Variants in LMBR1 observed in about 807,000 individuals in gnomAD.
LMBR1 encodes limb region 1 protein homolog.
A neutral mutation model predicts 73.9 loss-of-function variants in LMBR1; 52 were observed. The observed-to-expected ratio is 0.70, with a 90% confidence interval of 0.56 to 0.89. LMBR1 has a LOEUF of 0.89. LMBR1 is among the 40% of genes least tolerant of loss of function. The pLI is 0.00. For synonymous variants in LMBR1, 215 were observed against 209.4 expected (o/e 1.03, Z -0.23); for missense variants, 539 against 579.8 (o/e 0.93, Z 0.72).
At chr7:156,782,656 C>A (rs1443471111) in intron 5 of LMBR1, among the ~76,000 whole-genome samples, 1 of 152,068 alleles carries the variant, frequency 6.6e-6, no homozygotes. Flanking sequence ...GCGATTCTCC[C>A]GCCTCAGCTA....
At chr7:156,787,779 T>C (rs1828412940) in intron 5 of LMBR1, among the ~76,000 whole-genome samples, 1 of 152,200 alleles carries the variant, frequency 6.6e-6, no homozygotes, top group Non-Finnish European at 1.5e-5. Flanking sequence ...TGGATCTTTT[T>C]TTCTTTTATT....
At chr7:156,885,186 C>A (rs943556771) in intron 1 of LMBR1, among the ~76,000 whole-genome samples, 1 of 151,912 alleles carries the variant, frequency 6.6e-6, no homozygotes, top group African/African-American at 2.4e-5. Context: ...AACCCCATCT[C>A]TACTAAAAAT....
chr7:156,742,891 A>G (rs1369152507), intron 9 of LMBR1, among the ~76,000 whole-genome samples: 3 of 152,226 alleles, frequency 2.0e-5, no homozygotes, highest in Non-Finnish European at 4.4e-5. Flanking sequence ...CACATTAAAA[A>G]GATCATTCAT....
At chr7:156,701,254 C>CAAAA (rs145584672) in intron 15 of LMBR1, among the ~76,000 whole-genome samples, 4,948 of 152,258 alleles carry the variant, frequency 0.032, 266 homozygotes, top group African/African-American at 0.11. Flanking sequence ...TATGACTGTT[C>CAAAA]AAGCTGCATT....
intron 10 of LMBR1, among the ~76,000 whole-genome samples, chr7:156,731,413 A>G (rs905479663): frequency 7.2e-5 from 11 of 152,228 alleles, no homozygotes; most frequent in African/African-American, 2.2e-4. Flanking sequence ...AGTATCATGA[A>G]GTGACACATA....
chr7:156,735,453 G>A (rs1277956639), intron 9 of LMBR1, among the ~76,000 whole-genome samples: 3 of 150,196 alleles, frequency 2.0e-5, no homozygotes, highest in African/African-American at 4.9e-5. Context: ...GTGGATCTTC[G>A]TATTCTTTAT....
chr7:156,886,032 T>C (rs1169153816), intron 1 of LMBR1, among the ~76,000 whole-genome samples: 1 of 141,724 alleles, frequency 7.1e-6, no homozygotes, highest in East Asian at 2.1e-4. Context: ...AGAGTGAGAC[T>C]CTGCCTCAAA....
chr7:156,675,934 T>G, downstream of LMBR1: 2 of 1,478,648 alleles, frequency 1.4e-6, no homozygotes, highest in Non-Finnish European at 1.9e-6. Context: ...GAGTGGCATG[T>G]GGGGGGAGGT....
At chr7:156,891,383 G>A (rs1802959072) in intron 1 of LMBR1, among the ~76,000 whole-genome samples, 1 of 150,850 alleles carries the variant, frequency 6.6e-6, no homozygotes, top group Admixed American at 6.6e-5. Context: ...CTACTGCACC[G>A]AGAATGAATT....
chr7:156,850,839 T>C (rs1489394216), intron 1 of LMBR1, among the ~76,000 whole-genome samples: 2 of 152,204 alleles, frequency 1.3e-5, no homozygotes, highest in Non-Finnish European at 2.9e-5. Flanking sequence ...TGTTGAAGCG[T>C]GATCCCCACT....
At chr7:156,778,025 C>T (rs1184164595) in intron 5 of LMBR1, among the ~76,000 whole-genome samples, 2 of 152,140 alleles carry the variant, frequency 1.3e-5, no homozygotes, top group East Asian at 1.9e-4. Flanking sequence ...CCATACCCAT[C>T]CAAGACGATG....
At chr7:156,740,267 A>G (rs1440177488) in intron 9 of LMBR1, among the ~76,000 whole-genome samples, 1 of 152,144 alleles carries the variant, frequency 6.6e-6, no homozygotes, top group Non-Finnish European at 1.5e-5. Context: ...ATAGCCTAAA[A>G]GGAGCAAATC....
intron 4 of LMBR1, among the ~76,000 whole-genome samples, chr7:156,826,328 T>G (rs1835691608): frequency 6.6e-6 from 1 of 152,192 alleles, no homozygotes; most frequent in Non-Finnish European, 1.5e-5. Context: ...CATAGTCAGA[T>G]AAACCAAAAT....
chr7:156,888,561 C>T (rs1802346265), intron 1 of LMBR1, among the ~76,000 whole-genome samples: 1 of 152,040 alleles, frequency 6.6e-6, no homozygotes, highest in Non-Finnish European at 1.5e-5. Context: ...CAACTCAGGT[C>T]AATTGATGAA....
chr7:156,693,498 G>A (rs2131956345), intron 15 of LMBR1, among the ~76,000 whole-genome samples: 1 of 152,094 alleles, frequency 6.6e-6, no homozygotes, highest in South Asian at 2.1e-4. Context: ...AAGATCATAA[G>A]GAACTATTAT....
At chr7:156,892,739 A>C in intron 1 of LMBR1, 189 bp downstream of exon 1, 2 of 312,646 alleles carry the variant, frequency 6.4e-6, no homozygotes, top group Middle Eastern at 8.6e-4. Context: ...GGGAGGGGAG[A>C]GGAGAGGTGG....
rs892957848 is a variant in LMBR1 at position 156,669,064 on chromosome 7, G to C, written n.1090C>G. The C allele has an allele frequency of 2.0e-5, 3 of 152,174 alleles. No individual in the cohort carries two copies. Among genetic ancestry groups the C allele is most frequent in the African/African-American group, 7.2e-5 (3 of 41,444 alleles). 9.4% of individuals were successfully genotyped at this position (152,174 alleles called of 1,614,324 possible). The stretch of plus-strand genomic sequence containing the variant: ...TAAGTGGATAGTAAAATATAAATTA[G>C]ACTCAACTGCATGAAAAGTCTATGC... On this transcript the variant is annotated non_coding_transcript_exon_variant, in exon 5 of 5. Transcript: ENST00000430825. The surrounding 1 kb of genome is among the most constrained non-coding windows in gnomAD (Gnocchi z 4.2).
At chr7:156,815,868 C>A (rs977775829) in intron 4 of LMBR1, among the ~76,000 whole-genome samples, 1 of 152,040 alleles carries the variant, frequency 6.6e-6, no homozygotes. Flanking sequence ...TAACTTTTAA[C>A]ATCCAGAGAA....
intron 15 of LMBR1, among the ~76,000 whole-genome samples, chr7:156,710,065 C>T (rs761771532): frequency 2.0e-5 from 3 of 151,794 alleles, no homozygotes; most frequent in Non-Finnish European, 2.9e-5. Flanking sequence ...CCACCATGCC[C>T]GGCTAATTTT....
Sources: gnomAD v4.1 joint callset for allele counts (sites outside exome capture counted in the v4.1 genomes callset) on GRCh38, gnomAD v4.1.1 for gene constraint, Gnocchi (gnomAD v3.1) non-coding constraint, MANE v1.5 for transcripts, NCBI Gene and HGNC (gene_info 2026-07-23, HGNC 2026-07-21) for gene names.